Variants in EPCIP observed in about 807,000 individuals in gnomAD.
EPCIP encodes exosomal polycystin 1 interacting protein, also known as exosomal polycystin-1-interacting protein.
At chr21:32,799,891 G>A in the EPCIP span, among the ~76,000 whole-genome samples, 3 of 152,272 alleles carry the variant, frequency 2.0e-5, no homozygotes, top group East Asian at 1.9e-4. Context: ...GCCGTGAGCC[G>A]AGATCGCACC....
At chr21:32,801,982 G>T in the EPCIP span, among the ~76,000 whole-genome samples, 1 of 152,204 alleles carries the variant, frequency 6.6e-6, no homozygotes, top group African/African-American at 2.4e-5. Context: ...AGAGTCATTG[G>T]CGCAGATGTC....
At chr21:32,808,842 A>T in the EPCIP span, among the ~76,000 whole-genome samples, 1 of 152,214 alleles carries the variant, frequency 6.6e-6, no homozygotes, top group Non-Finnish European at 1.5e-5. Flanking sequence ...TAAACCTGAA[A>T]CTATTGCAAA....
chr21:32,812,569 A>G, the EPCIP span, among the ~76,000 whole-genome samples: 6 of 152,244 alleles, frequency 3.9e-5, no homozygotes, highest in South Asian at 4.1e-4. Context: ...TCTGTCAGAA[A>G]AAAAAGTAAT....
the EPCIP span, among the ~76,000 whole-genome samples, chr21:32,791,937 T>C: frequency 2.0e-5 from 3 of 151,568 alleles, no homozygotes; most frequent in Non-Finnish European, 4.4e-5. Context: ...GGAGTTTTGC[T>C]CTTGTTGCCC....
the EPCIP span, among the ~76,000 whole-genome samples, chr21:32,804,908 T>C: frequency 3.3e-5 from 5 of 152,218 alleles, no homozygotes; most frequent in South Asian, 8.3e-4. Flanking sequence ...AAACACTTTA[T>C]TTCTGATCTC....
the EPCIP span, among the ~76,000 whole-genome samples, chr21:32,799,613 T>C: frequency 6.6e-6 from 1 of 152,178 alleles, no homozygotes; most frequent in Non-Finnish European, 1.5e-5. Flanking sequence ...TTTTCTTCTC[T>C]TGAGTCTTTC....
chr21:32,810,704 T>G, the EPCIP span: 1 of 470,856 alleles, frequency 2.1e-6, no homozygotes, highest in Non-Finnish European at 4.4e-6. Context: ...GAGATACGTC[T>G]CTAGCTCCTG....
chr21:32,809,061 A>G, the EPCIP span, among the ~76,000 whole-genome samples: 1 of 151,932 alleles, frequency 6.6e-6, no homozygotes, highest in African/African-American at 2.4e-5. Context: ...GTTTTTTTTA[A>G]TGACCCAGAG....
At chr21:32,801,851 A>G in the EPCIP span, among the ~76,000 whole-genome samples, 72 of 151,658 alleles carry the variant, frequency 4.7e-4, 1 homozygote, top group Non-Finnish European at 7.8e-4. Flanking sequence ...TCAAAAGAGA[A>G]AAAAAAAAGA....
At chr21:32,808,476 A>G in the EPCIP span, among the ~76,000 whole-genome samples, 1 of 152,238 alleles carries the variant, frequency 6.6e-6, no homozygotes, top group Non-Finnish European at 1.5e-5. Context: ...TGTTCAAGCT[A>G]TAGTTCCGAC....
chr21:32,793,766 T>C, the EPCIP span: 1 of 1,613,662 alleles, frequency 6.2e-7, no homozygotes, highest in Non-Finnish European at 8.5e-7. Context: ...ATTATGCTAG[T>C]AAATAAATGT....
chr21:32,804,275 T>TTATATATATATATATATATATATA, the EPCIP span, among the ~76,000 whole-genome samples: 330 of 140,764 alleles, frequency 2.3e-3, 2 homozygotes, highest in African/African-American at 8.1e-3. Context: ...ATGCATGTGA[T>TTATATATATATATATATATATATA]TATATATATA....
At chr21:32,804,278 T>TATATATATATATA in the EPCIP span, among the ~76,000 whole-genome samples, 2 of 147,142 alleles carry the variant, frequency 1.4e-5, no homozygotes, top group Non-Finnish European at 3.0e-5. Flanking sequence ...CATGTGATTA[T>TATATATATATATA]ATATATATAT....
the EPCIP span, chr21:32,797,405 T>C: frequency 1.7e-5 from 3 of 174,868 alleles, no homozygotes; most frequent in Non-Finnish European, 3.7e-5. Flanking sequence ...CGCACCATCA[T>C]ACCCGACTAA....
the EPCIP span, among the ~76,000 whole-genome samples, chr21:32,800,026 A>G: frequency 6.6e-6 from 1 of 152,212 alleles, no homozygotes; most frequent in Non-Finnish European, 1.5e-5. Flanking sequence ...TTGATTTTTA[A>G]TTGCTATAAG....
the EPCIP span, among the ~76,000 whole-genome samples, chr21:32,804,703 T>C: frequency 2.0e-5 from 3 of 152,144 alleles, no homozygotes; most frequent in Non-Finnish European, 4.4e-5. Context: ...CAAAAATGTC[T>C]CTCTGCATGA....
the EPCIP span, chr21:32,813,556 T>C: frequency 6.4e-6 from 3 of 470,284 alleles, no homozygotes; most frequent in Non-Finnish European, 1.3e-5. Flanking sequence ...AGACTAGACA[T>C]GCTTTTTAAA....
the EPCIP span, among the ~76,000 whole-genome samples, chr21:32,808,506 A>C: frequency 2.1e-3 from 316 of 152,350 alleles, no homozygotes; most frequent in African/African-American, 7.3e-3. Flanking sequence ...TTGGACAAAA[A>C]TAAGAATTAA....
the EPCIP span, among the ~76,000 whole-genome samples, chr21:32,810,246 CTTTTTTTTTTTTTTTTTT>C: frequency 1.5e-5 from 1 of 65,636 alleles, no homozygotes; most frequent in African/African-American, 6.7e-5. Context: ...GGCATTTGAT[CTTTTTTTTTTTTTTTTTT>C]TTTTTTTTTG....
Sources: gnomAD v4.1 joint callset for allele counts (sites outside exome capture counted in the v4.1 genomes callset) on GRCh38, gnomAD v4.1.1 for gene constraint, MANE v1.5 for transcripts, NCBI Gene and HGNC (gene_info 2026-07-23, HGNC 2026-07-21) for gene names.